TMX1: variants seen among roughly 807,000 people sequenced by gnomAD.
TMX1 encodes thioredoxin-related transmembrane protein 1.
In TMX1, 25 loss-of-function variants were observed where a neutral mutation model predicts 36.6. The ratio of observed to expected loss-of-function variants is 0.68; its 90% CI spans 0.50 to 0.95. The LOEUF is 0.95. Ranked by LOEUF, TMX1 falls within the 40% of genes least tolerant of loss-of-function variation. The probability of loss-of-function intolerance (pLI) is 0.00; values close to 1 mark genes in which losing one functional copy is unlikely to be tolerated. For synonymous variants in TMX1, 133 were observed against 118.0 expected (o/e 1.13, Z -0.82); for missense variants, 347 against 339.6 (o/e 1.02, Z -0.17).
Position 51,246,432 on chromosome 14 carries a change from C to G in TMX1, c.315-660C>G, listed in dbSNP as rs147538757. Among the ~76,000 whole-genome samples the G allele has an allele frequency of 4.1e-4, 62 of 152,266 alleles. No individual in the cohort carries two copies. In the East Asian group the frequency reaches 9.5e-3, roughly 23 times the overall value. Reference sequence around the variant, plus strand: ...TTACCTCTGAGTGGATAAAGGGTCCCTTAACCCTACTTAACAGGTCCCTAG... The same window carrying G: ...TTACCTCTGAGTGGATAAAGGGTCCGTTAACCCTACTTAACAGGTCCCTAG... On this transcript the variant is annotated intron_variant, in intron 3 of 7. Transcript: ENST00000457354.
Position 51,254,543 on chromosome 14 carries a change from A to G in TMX1, c.*24A>G. On this transcript the variant is annotated 3_prime_UTR_variant, in exon 8 of 8. Coordinates refer to ENST00000457354, the MANE Select transcript of TMX1 (RefSeq NM_030755.5). Reference sequence around the variant, plus strand: ...AGTTAAATTTTATAGTTATCTTAATATTATGATTTTGATAAAAACAGAAGA... The same window carrying G: ...AGTTAAATTTTATAGTTATCTTAATGTTATGATTTTGATAAAAACAGAAGA... 1.3e-6 allele frequency: 2 copies of G among 1,556,574 alleles called. No homozygotes were observed. The highest frequency in any genetic ancestry group is 2.2e-5 in the Admixed American group (1 of 45,676).
At position 51,247,231 on chromosome 14, in the gene TMX1, G is replaced by T; in HGVS notation, c.443+11G>T. On this transcript the variant is annotated intron_variant, in intron 4 of 7. Coordinates refer to ENST00000457354, the MANE Select transcript of TMX1 (RefSeq NM_030755.5). ...TCCAGGTTCTGTTCTGTAAGTATGAGGGCTTTTTCTCTTACCCATTTCATA... is the reference window on the plus strand; with the variant it reads ...TCCAGGTTCTGTTCTGTAAGTATGATGGCTTTTTCTCTTACCCATTTCATA... The T allele has an allele frequency of 6.2e-7, 1 of 1,603,354 alleles. No individual in the cohort carries two copies. Among genetic ancestry groups the T allele is most frequent in the Admixed American group, 1.7e-5 (1 of 57,574 alleles).
chr14:51,255,831 G>T lies in TMX1; in HGVS notation c.*1312G>T, dbSNP rs888471443. On this transcript the variant is annotated 3_prime_UTR_variant, in exon 8 of 8. Transcript: ENST00000457354. ...ATACAATGAATCAACTGACCATTAC[G>T]TAGTAGACAATTTCTGTAATGTCCC... is the stretch of plus-strand genomic sequence containing the variant. 6.6e-6 allele frequency: 1 copy of T among 152,232 alleles called. No homozygotes were observed. The highest frequency in any genetic ancestry group is 2.4e-5 in the African/African-American group (1 of 41,420). The allele number at this position is 152,232 out of a possible 1,614,324, so 9.4% of individuals were successfully genotyped here.
In TMX1 at chr14:51,240,454, G is replaced by T. The variant is rs2065754814; in HGVS notation, c.152+10G>T. On this transcript the variant is annotated intron_variant, in intron 1 of 7. Transcript: ENST00000457354. The stretch of plus-strand genomic sequence containing the variant: ...ACTGGATGATAGAATTGTGAGTGCG[G>T]GGCGGCCAGGGTCCTACGTCCGTGC... 6.2e-7 allele frequency: 1 copy of T among 1,612,528 alleles called. No homozygotes were observed. Among genetic ancestry groups the T allele is most frequent in the East Asian group, 2.2e-5 (1 of 44,864 alleles).
At chr14:51,253,105 T>A (rs2065822446) in intron 7 of TMX1, among the ~76,000 whole-genome samples, 1 of 152,198 alleles carries the variant, frequency 6.6e-6, no homozygotes, top group African/African-American at 2.4e-5. Context: ...TGCACTCTGC[T>A]TGTGTAAAGG....
At chr14:51,242,327 A>T (rs1426850519) in intron 1 of TMX1, among the ~76,000 whole-genome samples, 2 of 152,176 alleles carry the variant, frequency 1.3e-5, no homozygotes, top group African/African-American at 2.4e-5. Context: ...TATAAGCAAT[A>T]TATTAAGCAA....
intron 1 of TMX1, among the ~76,000 whole-genome samples, chr14:51,243,400 A>G (rs1243795093): frequency 6.6e-6 from 1 of 152,256 alleles, no homozygotes; most frequent in Non-Finnish European, 1.5e-5. Context: ...TGGCAATCCT[A>G]CTTAATAATG....
chr14:51,250,470 T>G lies in TMX1; in HGVS notation c.664+705T>G, dbSNP rs1225090515. The stretch of plus-strand genomic sequence containing the variant: ...GACTTGTGGCCTGATATTCCTTCAT[T>G]TATTATGTCTTTTGTTTGTTTGTTT... On this transcript the variant is annotated intron_variant, in intron 7 of 7. Transcript: ENST00000457354. Among the ~76,000 whole-genome samples, 11 of 122,840 alleles carry G rather than the reference T, an allele frequency of 9.0e-5. No homozygotes were observed. The East Asian group carries it at 2.5e-3, about 28-fold the overall frequency. The allele number at this position is 122,840 out of a possible 152,430, so 80.6% of individuals were successfully genotyped here. A position where few individuals can be genotyped will look rare whatever the true frequency, so the allele number is the denominator to read the frequency against.
Position 51,240,322 on chromosome 14 carries a change from C to G in TMX1, c.30C>G (p.Pro10=). Residue 10 remains proline, a synonymous_variant, in exon 1 of 8, where the codon CCC becomes CCG. Coordinates refer to ENST00000457354, the MANE Select transcript of TMX1 (RefSeq NM_030755.5). The part of the protein sequence containing the change: MAPSGSLAV[P]LAVLVLLLWG... ...CGCCCTCCGGGAGTCTTGCAGTTCCCCTGGCAGTCCTGGTGCTGTTGCTTT... is the reference window on the plus strand; with the variant it reads ...CGCCCTCCGGGAGTCTTGCAGTTCCGCTGGCAGTCCTGGTGCTGTTGCTTT... 2 of 1,613,286 alleles carry G rather than the reference C, an allele frequency of 1.2e-6. No individual in the cohort carries two copies. The highest frequency in any genetic ancestry group is 1.7e-6 in the Non-Finnish European group (2 of 1,179,990).
At chr14:51,242,848 C>T (rs778905487) in intron 1 of TMX1, among the ~76,000 whole-genome samples, 9 of 152,166 alleles carry the variant, frequency 5.9e-5, no homozygotes, top group Non-Finnish European at 1.2e-4. Context: ...TAGTAATAGT[C>T]TGCTCCTAAT....
At chr14:51,244,345 T>C (rs1566709741) in intron 2 of TMX1, 1 of 155,316 alleles carries the variant, frequency 6.4e-6, no homozygotes, top group Non-Finnish European at 1.4e-5. Flanking sequence ...CAGGTGAACA[T>C]TGGCCAAGCC....
intron 1 of TMX1, among the ~76,000 whole-genome samples, chr14:51,242,931 C>T (rs2065768444): frequency 1.3e-5 from 2 of 152,002 alleles, no homozygotes; most frequent in East Asian, 3.8e-4. Flanking sequence ...CATTGTAATA[C>T]GATTTATTGT....
In TMX1 at chr14:51,240,904, T is replaced by C. The variant is rs150793524; in HGVS notation, c.152+460T>C. On this transcript the variant is annotated intron_variant, in intron 1 of 7. Transcript: ENST00000457354. ...GTCTGTCCTTAAAAGATAGTCTCTT[T>C]ATGGTGTTGGAATTTGGCGCTTTTA... is the stretch of plus-strand genomic sequence containing the variant. 5.3e-3 allele frequency among the ~76,000 whole-genome samples: 806 copies of C among 152,330 alleles called. 10 individuals are homozygous for C. The highest frequency in any genetic ancestry group is 0.023 in the Admixed American group (359 of 15,302).
chr14:51,247,613 T>C (rs1030019064), intron 4 of TMX1, among the ~76,000 whole-genome samples: 1 of 152,186 alleles, frequency 6.6e-6, no homozygotes, highest in Non-Finnish European at 1.5e-5. Flanking sequence ...CACCTCGGCC[T>C]CCCAGAGTGC....
At chr14:51,247,007 A>T in intron 3 of TMX1, 85 bp from the exon 4 acceptor site, 2 of 1,212,932 alleles carry the variant, frequency 1.6e-6, no homozygotes, top group Non-Finnish European at 2.3e-6. Flanking sequence ...GTTAGAATTG[A>T]CTGTAAAGTG....
intron 7 of TMX1, among the ~76,000 whole-genome samples, chr14:51,253,103 G>A (rs2065822422): frequency 6.6e-6 from 1 of 151,998 alleles, no homozygotes; most frequent in South Asian, 2.1e-4. Context: ...GGTGCACTCT[G>A]CTTGTGTAAA....
chr14:51,249,594 T>C, intron 6 of TMX1, 25 bp downstream of exon 6: 1 of 1,604,834 alleles, frequency 6.2e-7, no homozygotes. Flanking sequence ...TTTGGAGTGC[T>C]AGGAAGAAAG....
intron 3 of TMX1, chr14:51,245,687 A>G: frequency 2.6e-6 from 1 of 378,772 alleles, no homozygotes; most frequent in Non-Finnish European, 4.9e-6. Context: ...GAGAAATCAC[A>G]GTTACCTGGA....
chr14:51,243,793 C>A (rs200383228), intron 1 of TMX1, 63 bp from the exon 2 acceptor site: 1 of 1,134,942 alleles, frequency 8.8e-7, no homozygotes, highest in African/African-American at 1.6e-5. Flanking sequence ...AATTTTTTAT[C>A]CCAAGATAAA....
Sources: allele counts gnomAD v4.1 joint callset (sites outside exome capture counted in the v4.1 genomes callset), GRCh38; gene constraint gnomAD v4.1.1; transcripts MANE v1.5; gene names NCBI Gene and HGNC (gene_info 2026-07-23, HGNC 2026-07-21).